Variants in VPS16 observed in about 807,000 individuals in gnomAD.
VPS16 encodes VPS16 core subunit of CORVET and HOPS complexes.
In VPS16, 82 loss-of-function variants were observed where a neutral mutation model predicts 116.0. The observed-to-expected ratio is 0.71, with a 90% CI of 0.59 to 0.85. The LOEUF (loss-of-function observed/expected upper bound fraction) is 0.85. Ranked by LOEUF, VPS16 falls within the 40% of genes least tolerant of loss-of-function variation. The pLI is 0.00. For synonymous variants in VPS16, 406 were observed against 420.7 expected (o/e 0.96, Z 0.43); for missense variants, 928 against 1,090.6 (o/e 0.85, Z 2.10).
At chr20:2,855,242 A>G (rs1035104750) in intron 1 of VPS16, among the ~76,000 whole-genome samples, 1 of 150,884 alleles carries the variant, frequency 6.6e-6, no homozygotes, top group African/African-American at 2.4e-5. Flanking sequence ...ACAGGCATGA[A>G]CCACCGCGCC....
chr20:2,855,332 C>A (rs1326859353), intron 1 of VPS16, among the ~76,000 whole-genome samples: 1 of 151,054 alleles, frequency 6.6e-6, no homozygotes, highest in Non-Finnish European at 1.5e-5. Flanking sequence ...GGGCTTAAAA[C>A]GTTTAGTAAA....
At chr20:2,854,960 ATTTT>A (rs547295825) in intron 1 of VPS16, among the ~76,000 whole-genome samples, 2,617 of 110,134 alleles carry the variant, frequency 0.024, 103 homozygotes, top group African/African-American at 0.079. Context: ...ATGAGCAGTA[ATTTT>A]TTTTTTTTTT....
Position 2,862,621 on chromosome 20 carries a change from G to T in VPS16, c.1114G>T (p.Glu372Ter), listed in dbSNP as rs757184254. 6.2e-7 allele frequency: 1 copy of T among 1,613,664 alleles called. No homozygotes were observed. The highest frequency in any genetic ancestry group is 8.5e-7 in the Non-Finnish European group (1 of 1,179,992). ...GGACGAGTACCTGCGGGAGATCCAG[G>T]AGCTGGGCCAGCTGACCCAGGCCGT... ...KADEYLREIQ[E>*]LGQLTQAVQQ... The change falls in exon 12 of 24, where the codon GAG (glutamate) becomes TAG (stop). Residue 372 changes from glutamate to a stop codon, truncating the protein, a stop_gained. Coordinates refer to ENST00000380445, the MANE Select transcript of VPS16 (RefSeq NM_022575.4). LOFTEE classifies it high-confidence loss of function.
In VPS16 at chr20:2,862,937, A is replaced by G; in HGVS notation, c.1331+3A>G. The G allele has an allele frequency of 6.2e-7, 1 of 1,613,848 alleles. No individual in the cohort carries two copies. The highest frequency in any genetic ancestry group is 8.5e-7 in the Non-Finnish European group (1 of 1,179,820). ...GGGATCCCGCTCACCTATAGCCAGT[A>G]TCCCTGTGCACGCCAGAAGGGTACC... is the stretch of plus-strand genomic sequence containing the variant. On this transcript the variant is annotated splice_donor_region_variant and intron_variant, in intron 13 of 23. Coordinates refer to ENST00000380445, the MANE Select transcript of VPS16 (RefSeq NM_022575.4).
intron 1 of VPS16, among the ~76,000 whole-genome samples, chr20:2,842,865 G>T (rs987125532): frequency 7.1e-3 from 138 of 19,428 alleles, no homozygotes; most frequent in Admixed American, 0.013. Context: ...TGTATCTATC[G>T]ATAGATAGAT....
At chr20:2,856,678 G>A (rs559827130) in intron 1 of VPS16, among the ~76,000 whole-genome samples, 1 of 152,124 alleles carries the variant, frequency 6.6e-6, no homozygotes, top group Non-Finnish European at 1.5e-5. Context: ...TAATGAAATA[G>A]CATTTATTGT....
rs200504361 is a variant in VPS16 at position 2,859,836 on chromosome 20, C to G, written c.142+29C>G. 33 of 1,594,122 alleles carry G rather than the reference C, an allele frequency of 2.1e-5. No homozygotes were observed. The East Asian group carries it at 7.4e-4, about 36-fold the overall frequency. On this transcript the variant is annotated intron_variant, in intron 2 of 23. Transcript: ENST00000380445. ...TGTTGCCCCTCCACCACCACCTGCT[C>G]TGGGACCCTGGGATGAACTCAAGGT...
intron 11 of VPS16, 121 bp from the exon 12 acceptor site, chr20:2,862,458 G>A: frequency 6.7e-7 from 1 of 1,491,520 alleles, no homozygotes; most frequent in African/African-American, 1.4e-5. Context: ...AGGGAGTTGG[G>A]GCTCCAGCCT....
At chr20:2,846,807 A>G (rs950374604) in intron 1 of VPS16, among the ~76,000 whole-genome samples, 12 of 152,198 alleles carry the variant, frequency 7.9e-5, no homozygotes, top group Admixed American at 2.0e-4. Flanking sequence ...GCCCTGCCAC[A>G]GAAATTTCTT....
intron 1 of VPS16, among the ~76,000 whole-genome samples, chr20:2,857,141 C>T (rs967717798): frequency 2.6e-5 from 4 of 152,080 alleles, no homozygotes; most frequent in African/African-American, 9.7e-5. Flanking sequence ...CCATGCCCAG[C>T]TAATTTTGTA....
Position 2,866,643 on chromosome 20 carries a change from A to T in VPS16, c.*69A>T. The T allele has an allele frequency of 6.3e-7, 1 of 1,589,628 alleles. No homozygotes were observed. Among genetic ancestry groups the T allele is most frequent in the Non-Finnish European group, 8.6e-7 (1 of 1,167,742 alleles). ...CACCTGGGCTTGGCAGAAGGGCCAT[A>T]GTTCATCCAGCTCCTCCCCTAGAGC... On this transcript the variant is annotated 3_prime_UTR_variant, in exon 24 of 24. Coordinates refer to ENST00000380445, the MANE Select transcript of VPS16 (RefSeq NM_022575.4).
chr20:2,862,182 C>T (rs757239303), intron 11 of VPS16, 52 bp downstream of exon 11: 2 of 1,577,426 alleles, frequency 1.3e-6, no homozygotes, highest in South Asian at 1.2e-5. Context: ...CCTGCCCCTG[C>T]GTGGGCATGT....
rs762665854 is a variant in VPS16, at chr20:2,864,185, G to A, written c.1618G>A (p.Glu540Lys). 12 of 1,614,198 alleles carry A rather than the reference G, an allele frequency of 7.4e-6. No homozygotes were observed. The highest frequency in any genetic ancestry group is 1.0e-5 in the Non-Finnish European group (12 of 1,180,014). ...GRTELAIKLL[E>K]YEPRSGEQVP... Reference sequence around the variant, plus strand: ...CTTCCTTCTCACCTCACAGCTGCTGGAGTATGAGCCACGCTCAGGGGAGCA... The same window carrying A: ...CTTCCTTCTCACCTCACAGCTGCTGAAGTATGAGCCACGCTCAGGGGAGCA... The change falls in exon 17 of 24, where the codon GAG (glutamate) becomes AAG (lysine). Residue 540 changes from glutamate to lysine, a missense_variant. Physicochemically the swap from Glu to Lys is moderately conservative, Grantham distance 56. Transcript: ENST00000380445. This position sits in a 1 kb window ranked among gnomAD's most constrained non-coding sequence, Gnocchi z 5.2.
intron 1 of VPS16, 73 bp downstream of exon 1, chr20:2,840,900 G>T: frequency 2.1e-6 from 3 of 1,438,742 alleles, no homozygotes; most frequent in Non-Finnish European, 2.8e-6. Flanking sequence ...TCCCGGCGGC[G>T]TTCGCCCCTG....
intron 1 of VPS16, among the ~76,000 whole-genome samples, chr20:2,853,735 T>C (rs1270306323): frequency 6.6e-6 from 1 of 152,068 alleles, no homozygotes; most frequent in Non-Finnish European, 1.5e-5. Flanking sequence ...TGCAGTGGCA[T>C]GATCTCGGCT....
chr20:2,854,952 G>A (rs961427127), intron 1 of VPS16, among the ~76,000 whole-genome samples: 1 of 137,572 alleles, frequency 7.3e-6, no homozygotes, highest in Non-Finnish European at 1.5e-5. Flanking sequence ...CGTTGTCAAT[G>A]AGCAGTAATT....
chr20:2,846,354 TG>T (rs2089059830), intron 1 of VPS16, among the ~76,000 whole-genome samples: 1 of 152,190 alleles, frequency 6.6e-6, no homozygotes, highest in East Asian at 1.9e-4. Flanking sequence ...TGACCTCAGG[TG>T]ATCTGCCTGC....
intron 1 of VPS16, among the ~76,000 whole-genome samples, chr20:2,844,055 AGGT>A (rs1393661905): frequency 6.6e-6 from 1 of 152,248 alleles, no homozygotes; most frequent in Non-Finnish European, 1.5e-5. Context: ...ACTAGTGACC[AGGT>A]TACACAGCTA....
chr20:2,842,717 CATATGGATGTATCTATCTATAGAT>C (rs2089001330), intron 1 of VPS16, among the ~76,000 whole-genome samples: 1 of 66,768 alleles, frequency 1.5e-5, no homozygotes, highest in African/African-American at 9.4e-5. Flanking sequence ...TATAGATAGA[CATATGGATGTATCTATCTATAGAT>C]ACATATAGAT....
Sources: gnomAD v4.1 joint callset for allele counts (sites outside exome capture counted in the v4.1 genomes callset) on GRCh38, gnomAD v4.1.1 for gene constraint, Gnocchi (gnomAD v3.1) non-coding constraint, MANE v1.5 for transcripts, NCBI Gene and HGNC (gene_info 2026-07-23, HGNC 2026-07-21) for gene names.